The following CAPRIN1 variants were observed in gnomAD, a reference collection of about 807,000 sequenced individuals.
CAPRIN1 encodes caprin-1.
In CAPRIN1, 29 loss-of-function variants were observed where a neutral mutation model predicts 100.9. The ratio of observed to expected loss-of-function variants is 0.29; its 90% CI spans 0.21 to 0.39. The LOEUF (loss-of-function observed/expected upper bound fraction) is 0.39. Among genes scored for constraint, CAPRIN1 ranks in the 10% least tolerant of loss-of-function variants. The probability of loss-of-function intolerance (pLI) is 1.00; values close to 1 mark genes in which losing one functional copy is unlikely to be tolerated. For missense variants in CAPRIN1, 795 were observed against 876.7 expected (o/e 0.91, Z 1.18); for synonymous variants, 338 against 307.5 (o/e 1.10, Z -1.04).
intron 7 of CAPRIN1, among the ~76,000 whole-genome samples, chr11:34,080,922 TC>T (rs1165077812): frequency 3.9e-5 from 6 of 152,180 alleles, no homozygotes; most frequent in African/African-American, 1.4e-4. Flanking sequence ...GCAATCTTTT[TC>T]CCCCTCTTAC....
intron 2 of CAPRIN1, among the ~76,000 whole-genome samples, chr11:34,057,210 C>T (rs541814107): frequency 1.3e-5 from 2 of 152,292 alleles, no homozygotes; most frequent in South Asian, 4.1e-4. Flanking sequence ...AAGAACTATT[C>T]TTCTGCAATG....
intron 4 of CAPRIN1, among the ~76,000 whole-genome samples, chr11:34,072,552 A>C (rs1850823315): frequency 6.6e-6 from 1 of 152,198 alleles, no homozygotes; most frequent in African/African-American, 2.4e-5. Flanking sequence ...CGTTTATATA[A>C]TTGGTAATTA....
chr11:34,089,318 C>T (rs1044402944), intron 11 of CAPRIN1, 77 bp from the exon 12 acceptor site: 10 of 237,410 alleles, frequency 4.2e-5, no homozygotes, highest in Admixed American at 3.0e-4. Flanking sequence ...CCTTTAATAG[C>T]GAAATAAAAG....
At chr11:34,084,648 C>T (rs967843773) in intron 9 of CAPRIN1, among the ~76,000 whole-genome samples, 18 of 152,214 alleles carry the variant, frequency 1.2e-4, no homozygotes, top group African/African-American at 4.3e-4. Flanking sequence ...GCAGTTCAAG[C>T]CCATGTTGTT....
intron 5 of CAPRIN1, 41 bp downstream of exon 5, chr11:34,076,515 A>G: frequency 6.2e-7 from 1 of 1,607,096 alleles, no homozygotes; most frequent in Non-Finnish European, 8.5e-7. Flanking sequence ...TGAGTATTTA[A>G]GTTGACAACT....
chr11:34,056,614 A>T (rs1850458620), intron 2 of CAPRIN1: 1 of 147,548 alleles, frequency 6.8e-6, no homozygotes. Flanking sequence ...TTTCTTTATC[A>T]GTTCATTGGT....
At chr11:34,098,350 T>G (rs1378344176) in intron 18 of CAPRIN1, 1 of 984,454 alleles carries the variant, frequency 1.0e-6, no homozygotes, top group African/African-American at 1.7e-5. Context: ...TGAGCTATAC[T>G]TAAAAAAAAT....
At chr11:34,072,026 T>C (rs780430944) in intron 4 of CAPRIN1, 39 bp downstream of exon 4, 167 of 1,401,454 alleles carry the variant, frequency 1.2e-4, no homozygotes, top group Middle Eastern at 6.3e-4. Context: ...GAAATACTTT[T>C]GTTGTTTCTT....
chr11:34,061,524 T>C (rs1850579319), intron 2 of CAPRIN1, among the ~76,000 whole-genome samples: 1 of 152,124 alleles, frequency 6.6e-6, no homozygotes, highest in Admixed American at 6.6e-5. Flanking sequence ...AGCATTCTTA[T>C]GCCATTCTTA....
intron 4 of CAPRIN1, among the ~76,000 whole-genome samples, chr11:34,075,934 A>G (rs76754260): frequency 1.3e-5 from 2 of 152,144 alleles, no homozygotes; most frequent in African/African-American, 2.4e-5. Flanking sequence ...ATAAATCCAC[A>G]TTCATTTCCT....
intron 2 of CAPRIN1, among the ~76,000 whole-genome samples, chr11:34,070,305 A>G (rs1850783247): frequency 6.6e-6 from 1 of 152,246 alleles, no homozygotes; most frequent in South Asian, 2.1e-4. Context: ...TGACTTGTGT[A>G]TTAGTGAGGT....
intron 11 of CAPRIN1, among the ~76,000 whole-genome samples, chr11:34,087,329 A>ATTTTTTTTT (rs5790975): frequency 3.1e-5 from 3 of 96,578 alleles, no homozygotes; most frequent in African/African-American, 8.7e-5. Flanking sequence ...TATCTCTCAC[A>ATTTTTTTTT]TTTTTTTTTT....
At chr11:34,074,486 C>T (rs1403025286) in intron 4 of CAPRIN1, among the ~76,000 whole-genome samples, 1 of 152,200 alleles carries the variant, frequency 6.6e-6, no homozygotes, top group Non-Finnish European at 1.5e-5. Flanking sequence ...TTGAACTGTT[C>T]ATTTCATACA....
chr11:34,091,703 C>T, intron 14 of CAPRIN1: 2 of 441,726 alleles, frequency 4.5e-6, no homozygotes, highest in Non-Finnish European at 4.0e-6. Flanking sequence ...TATTATACTC[C>T]CCTTTAAGTA....
chr11:34,066,727 C>A lies in CAPRIN1; in HGVS notation c.217-4999C>A, dbSNP rs189637036. Reference sequence around the variant, plus strand: ...TGGCATGATCTTGGCTCACTGCAACCTCCACCTCCTGCCTCAGCCTCCCGA... The same window carrying A: ...TGGCATGATCTTGGCTCACTGCAACATCCACCTCCTGCCTCAGCCTCCCGA... On this transcript the variant is annotated intron_variant, in intron 2 of 18. Coordinates refer to ENST00000341394, the MANE Select transcript of CAPRIN1 (RefSeq NM_005898.5). Among the ~76,000 whole-genome samples the A allele has an allele frequency of 6.7e-4, 101 of 151,562 alleles. 1 individual carries two copies. The highest frequency in any genetic ancestry group is 8.7e-4 in the Non-Finnish European group (59 of 67,896).
At chr11:34,079,894 A>C (rs1327884059) in intron 7 of CAPRIN1, 129 bp downstream of exon 7, 26 of 598,472 alleles carry the variant, frequency 4.3e-5, no homozygotes, top group Middle Eastern at 5.2e-4. Flanking sequence ...AGAGACTTTA[A>C]GCATGACAAA....
intron 2 of CAPRIN1, among the ~76,000 whole-genome samples, chr11:34,062,712 G>A (rs1850606821): frequency 6.6e-6 from 1 of 151,826 alleles, no homozygotes; most frequent in South Asian, 2.1e-4. Context: ...AGTTGGTACA[G>A]TACTCTAGAA....
At chr11:34,091,461 A>G (rs899194904) in intron 14 of CAPRIN1, among the ~76,000 whole-genome samples, 15 of 152,004 alleles carry the variant, frequency 9.9e-5, no homozygotes, top group Non-Finnish European at 2.1e-4. Context: ...TAATTTTTGT[A>G]TTTTTAGTAG....
chr11:34,057,097 C>T (rs1850466602), intron 2 of CAPRIN1, among the ~76,000 whole-genome samples: 2 of 152,160 alleles, frequency 1.3e-5, no homozygotes. Flanking sequence ...AAAATAAAAA[C>T]ATTCTTAACT....
Sources: allele counts gnomAD v4.1 joint callset (sites outside exome capture counted in the v4.1 genomes callset), GRCh38; gene constraint gnomAD v4.1.1; transcripts MANE v1.5; gene names NCBI Gene and HGNC (gene_info 2026-07-23, HGNC 2026-07-21).